Variants in SLC6A15 observed in about 807,000 individuals in gnomAD.
SLC6A15 encodes sodium-dependent neutral amino acid transporter B(0)AT2.
In SLC6A15, 33 loss-of-function variants were observed where a neutral mutation model predicts 68.5. That is an observed-to-expected ratio of 0.48 (90% confidence interval 0.37 to 0.64). The LOEUF is 0.64. Ranked by LOEUF, SLC6A15 falls within the 30% of genes least tolerant of loss-of-function variation. The pLI is 0.00. For synonymous variants in SLC6A15, 347 were observed against 301.0 expected (o/e 1.15, Z -1.58); for missense variants, 747 against 874.3 (o/e 0.85, Z 1.84).
At chr12:84,881,982 AAAT>A (rs1871841253) in intron 5 of SLC6A15, 1 of 981,754 alleles carries the variant, frequency 1.0e-6, no homozygotes, top group Non-Finnish European at 1.2e-6. Flanking sequence ...ATTCTCATTA[AAAT>A]AATAAATGTA....
intron 3 of SLC6A15, 129 bp from the exon 4 acceptor site, chr12:84,885,690 A>G: frequency 8.9e-7 from 1 of 1,127,956 alleles, no homozygotes; most frequent in East Asian, 2.6e-5. Flanking sequence ...GGGACACATT[A>G]TCTTTTCTAA....
chr12:84,905,906 C>A (rs1873124671), intron 1 of SLC6A15, among the ~76,000 whole-genome samples: 1 of 152,176 alleles, frequency 6.6e-6, no homozygotes, highest in Admixed American at 6.5e-5. Context: ...AACCACTGTG[C>A]TCCAGTCCCC....
rs1027359600 is a variant in SLC6A15 at position 84,860,069 on chromosome 12, A to G, written c.*1563T>C. 6.6e-6 allele frequency: 1 copy of G among 152,100 alleles called. No individual in the cohort carries two copies. The highest frequency in any genetic ancestry group is 2.4e-5 in the African/African-American group (1 of 41,460). The allele number at this position is 152,100 out of a possible 1,614,324, so 9.4% of individuals were successfully genotyped here. On this transcript the variant is annotated 3_prime_UTR_variant, in exon 12 of 12. Coordinates refer to ENST00000266682, the MANE Select transcript of SLC6A15 (RefSeq NM_182767.6). Reference sequence around the variant, plus strand: ...GGATACAAACACAATATTCATGAATATATTTTAAAAGACTAAAAATTTATG... The same window carrying G: ...GGATACAAACACAATATTCATGAATGTATTTTAAAAGACTAAAAATTTATG...
intron 5 of SLC6A15, chr12:84,882,640 A>G (rs1418665245): frequency 4.5e-6 from 1 of 220,508 alleles, no homozygotes; most frequent in Non-Finnish European, 7.6e-6. Flanking sequence ...TGGGCTCTAG[A>G]TTTAGACAGA....
intron 11 of SLC6A15, among the ~76,000 whole-genome samples, chr12:84,862,318 A>C (rs1870888149): frequency 6.6e-6 from 1 of 152,216 alleles, no homozygotes; most frequent in Non-Finnish European, 1.5e-5. Flanking sequence ...AGCCCAGGCA[A>C]GAAAAGAAGA....
intron 5 of SLC6A15, chr12:84,881,781 C>T (rs1234752687): frequency 2.1e-6 from 2 of 936,538 alleles, no homozygotes; most frequent in Non-Finnish European, 2.5e-6. Context: ...AGTAGGTAAA[C>T]ACAAAGCTTA....
intron 5 of SLC6A15, among the ~76,000 whole-genome samples, chr12:84,880,557 T>A (rs537608413): frequency 1.4e-4 from 21 of 152,302 alleles, no homozygotes; most frequent in Admixed American, 1.2e-3. Context: ...CAAAACTAGA[T>A]CAGTGTCTAG....
chr12:84,862,031 A>G lies in SLC6A15; in HGVS notation c.1819-25T>C, dbSNP rs1293076411. ...CCTGTTAAAGAAGAAAATAATAATTATTAGTAATCTATCTTTCTTTGCACA... is the reference window on the plus strand; with the variant it reads ...CCTGTTAAAGAAGAAAATAATAATTGTTAGTAATCTATCTTTCTTTGCACA... On this transcript the variant is annotated intron_variant, in intron 11 of 11. Coordinates refer to ENST00000266682, the MANE Select transcript of SLC6A15 (RefSeq NM_182767.6). 5 of 1,537,564 alleles carry G rather than the reference A, an allele frequency of 3.3e-6. No homozygotes were observed. In the East Asian group the frequency reaches 9.0e-5, roughly 28 times the overall value.
At chr12:84,895,921 A>G (rs1872618112) in intron 1 of SLC6A15, among the ~76,000 whole-genome samples, 1 of 152,178 alleles carries the variant, frequency 6.6e-6, no homozygotes, top group Admixed American at 6.5e-5. Flanking sequence ...AAGAAAATCA[A>G]AAGAGAGGTT....
chr12:84,891,893 T>C lies in SLC6A15; in HGVS notation c.228A>G (p.Gly76=). The change falls in exon 2 of 12, where the codon GGA becomes GGG. Residue 76 remains glycine, a synonymous_variant. Transcript: ENST00000266682. ...SKLQYILAQV[G]FSVGLGNVWR... is the part of the protein sequence containing the mutation. ...ACACATTTCCTAAACCTACAGAAAA[T>C]CCAACTTGGGCCAGGATGTATTGTA... is the stretch of plus-strand genomic sequence containing the variant. 3 of 1,613,972 alleles carry C rather than the reference T, an allele frequency of 1.9e-6. No homozygotes were observed. The highest frequency in any genetic ancestry group is 2.5e-6 in the Non-Finnish European group (3 of 1,179,944).
intron 1 of SLC6A15, among the ~76,000 whole-genome samples, chr12:84,901,577 T>C (rs967881086): frequency 2.0e-5 from 3 of 151,886 alleles, no homozygotes; most frequent in Admixed American, 6.6e-5. Context: ...TTCAAAATTT[T>C]CTACCTTCCA....
intron 1 of SLC6A15, among the ~76,000 whole-genome samples, chr12:84,909,737 T>C (rs972432399): frequency 6.6e-6 from 1 of 152,162 alleles, no homozygotes; most frequent in Non-Finnish European, 1.5e-5. Flanking sequence ...GAGAGGTCCA[T>C]TGAGAAGTGA....
chr12:84,906,635 G>A (rs1204389721), intron 1 of SLC6A15, among the ~76,000 whole-genome samples: 1 of 152,128 alleles, frequency 6.6e-6, no homozygotes, highest in Non-Finnish European at 1.5e-5. Context: ...CACACAATAT[G>A]CCTAACTAAT....
rs537936290 is a variant in SLC6A15, at chr12:84,873,411, A to T, written c.868-83T>A. The T allele has an allele frequency of 4.1e-6, 6 of 1,474,204 alleles. No homozygotes were observed. In the African/African-American group the frequency reaches 8.5e-5, roughly 21 times the overall value. The allele number at this position is 1,474,204 out of a possible 1,614,324, so 91.3% of individuals were successfully genotyped here. ...TTTTTATGGAATTTACTGTTTATGG[A>T]GTATACAATGATATTTATGCATCCA... is the stretch of plus-strand genomic sequence containing the variant. On this transcript the variant is annotated intron_variant, in intron 6 of 11. Transcript: ENST00000266682.
intron 6 of SLC6A15, among the ~76,000 whole-genome samples, 174 bp from the exon 7 acceptor site, chr12:84,873,502 A>T (rs1258350953): frequency 6.6e-6 from 1 of 152,230 alleles, no homozygotes; most frequent in African/African-American, 2.4e-5. Context: ...GAAACAAATA[A>T]TTATGAGTAA....
chr12:84,881,872 C>T (rs1871836246), intron 5 of SLC6A15: 1 of 985,290 alleles, frequency 1.0e-6, no homozygotes, highest in Non-Finnish European at 1.2e-6. Flanking sequence ...TTTTGGCTTC[C>T]ACATCTTTGC....
rs1381056900 is a variant in SLC6A15 at position 84,908,754 on chromosome 12, CTA to C, written c.-189+3767_-189+3768del. On this transcript the variant is annotated intron_variant, in intron 1 of 11. Transcript: ENST00000266682. ...ATGTGTGTATACACACTTAAACACT[CTA>C]TATATATTCAAGCTAATATGTGTTT... Among the ~76,000 whole-genome samples the C allele has an allele frequency of 5.3e-5, 8 of 151,912 alleles. No homozygotes were observed. The South Asian group carries it at 1.7e-3, about 32-fold the overall frequency.
rs192666230 is a variant in SLC6A15, at chr12:84,870,830, A to T, written c.1303-160T>A. On this transcript the variant is annotated intron_variant, in intron 8 of 11. Transcript: ENST00000266682. The stretch of plus-strand genomic sequence containing the variant: ...TCTTAACCTGATAAATCATGTTGTC[A>T]TTCTCAGAACCTGGATTTAATTAGA... Among the ~76,000 whole-genome samples, 41 of 152,302 alleles carry T rather than the reference A, an allele frequency of 2.7e-4. No homozygotes were observed. In the East Asian group the frequency reaches 4.2e-3, roughly 16 times the overall value.
At chr12:84,891,784 C>A in intron 2 of SLC6A15, 48 bp downstream of exon 2, 1 of 1,521,288 alleles carries the variant, frequency 6.6e-7, no homozygotes, top group Non-Finnish European at 8.9e-7. Context: ...TTTGAGAAAC[C>A]CAATTGCAAT....
Sources: allele counts gnomAD v4.1 joint callset (sites outside exome capture counted in the v4.1 genomes callset), GRCh38; gene constraint gnomAD v4.1.1; transcripts MANE v1.5; gene names NCBI Gene and HGNC (gene_info 2026-07-23, HGNC 2026-07-21).